The following KANSL1 variants were observed in gnomAD, a reference collection of about 807,000 sequenced individuals.
KANSL1 encodes the protein KAT8 regulatory NSL complex subunit 1.
In KANSL1, 22 loss-of-function variants were observed where a neutral mutation model predicts 103.6. That is an observed-to-expected ratio of 0.21 (90% CI 0.15 to 0.30). KANSL1 has a LOEUF of 0.30. KANSL1 is among the 10% of genes least tolerant of loss of function. The pLI is 1.00. For synonymous variants in KANSL1, 600 were observed against 527.6 expected (o/e 1.14, Z -1.88); for missense variants, 1,337 against 1,399.8 (o/e 0.96, Z 0.72).
intron 2 of KANSL1, among the ~76,000 whole-genome samples, chr17:46,164,302 T>C (rs1296623151): frequency 6.6e-6 from 1 of 152,274 alleles, no homozygotes; most frequent in Non-Finnish European, 1.5e-5. Flanking sequence ...AGTTCCTTTC[T>C]TCAGAATCCC....
chr17:46,046,161 C>T (rs1450375478), intron 7 of KANSL1: 1 of 152,184 alleles, frequency 6.6e-6, no homozygotes, highest in African/African-American at 2.4e-5. Flanking sequence ...GGCATTCAAA[C>T]CCATTAGCCA....
chr17:46,193,706 G>T (rs778819052), upstream of KANSL1: 1 of 271,284 alleles, frequency 3.7e-6, no homozygotes, highest in South Asian at 2.6e-5. Context: ...GCAGCACTGC[G>T]GCAGGGGGAA....
chr17:46,090,996 T>C (rs1275171791), intron 3 of KANSL1, among the ~76,000 whole-genome samples: 1 of 152,240 alleles, frequency 6.6e-6, no homozygotes, highest in Non-Finnish European at 1.5e-5. Flanking sequence ...AGAGAGTACT[T>C]CTACTCATTA....
At chr17:46,196,142 CTGAGGGGATTGCT>C, upstream of KANSL1, 1 of 359,430 alleles carries the variant, frequency 2.8e-6, no homozygotes. Flanking sequence ...ACTCCAGAAG[CTGAGGGGATTGCT>C]TGAGCCTGGG....
chr17:46,096,730 T>C (rs1378050663), intron 2 of KANSL1, among the ~76,000 whole-genome samples: 1 of 151,698 alleles, frequency 6.6e-6, no homozygotes, highest in East Asian at 1.9e-4. Context: ...GCCATTCTCC[T>C]GCCTCAGCCT....
chr17:46,192,309 T>C (rs1255039462), intron 1 of KANSL1: 4 of 139,188 alleles, frequency 2.9e-5, no homozygotes, highest in Non-Finnish European at 4.9e-5. Context: ...CCTCTTTAGT[T>C]TAAAAAAAAA....
intron 4 of KANSL1, among the ~76,000 whole-genome samples, chr17:46,079,477 C>T (rs545047831): frequency 9.9e-5 from 15 of 152,266 alleles, no homozygotes; most frequent in East Asian, 1.9e-4. Context: ...TATTTTAGAA[C>T]GCTGACAAGT....
intron 7 of KANSL1, chr17:46,041,887 T>C (rs2077332081): frequency 7.2e-6 from 1 of 138,750 alleles, no homozygotes; most frequent in Non-Finnish European, 1.6e-5. Flanking sequence ...TTTGTGTGTG[T>C]GTGTGTGTGT....
intron 2 of KANSL1, among the ~76,000 whole-genome samples, chr17:46,155,573 G>A (rs1383352873): frequency 1.3e-5 from 2 of 152,222 alleles, no homozygotes; most frequent in Admixed American, 6.5e-5. Flanking sequence ...TTAGGGGGTA[G>A]AGGCCAGAGA....
At chr17:46,173,867 G>A (rs1036753611) in intron 1 of KANSL1, among the ~76,000 whole-genome samples, 2 of 152,202 alleles carry the variant, frequency 1.3e-5, no homozygotes, top group Non-Finnish European at 2.9e-5. Flanking sequence ...GGGAAAGTAT[G>A]CATAAAGCAC....
rs1265854957 is a variant in KANSL1 at position 46,171,604 on chromosome 17, T to C, written c.540A>G (p.Lys180=). 6.3e-7 allele frequency: 1 copy of C among 1,582,182 alleles called. No individual in the cohort carries two copies. The highest frequency in any genetic ancestry group is 1.9e-5 in the Admixed American group (1 of 52,490). The change falls in exon 2 of 15, where the codon AAA becomes AAG. Residue 180 remains lysine, a synonymous_variant. Coordinates refer to ENST00000432791, the MANE Select transcript of KANSL1 (RefSeq NM_015443.4). The part of the protein sequence containing the change: ...HDNSTSLNGG[K]RALTSSALHG... Reference sequence around the variant, plus strand: ...GAAGAGCAGATGAAGTGAGAGCCCGTTTTCCCCCATTGAGGGAAGTGGAAT... The same window carrying C: ...GAAGAGCAGATGAAGTGAGAGCCCGCTTTCCCCCATTGAGGGAAGTGGAAT...
chr17:46,095,539 G>T (rs1336394526), intron 2 of KANSL1, among the ~76,000 whole-genome samples: 1 of 152,152 alleles, frequency 6.6e-6, no homozygotes, highest in Non-Finnish European at 1.5e-5. Flanking sequence ...TACTAAACTG[G>T]CCAGTTCTTT....
chr17:46,187,054 G>C (rs12951211), intron 1 of KANSL1, among the ~76,000 whole-genome samples: 16,304 of 151,836 alleles, frequency 0.11, 1,235 homozygotes, highest in Non-Finnish European at 0.16. Context: ...TCTATGAAGT[G>C]TCTCTCCTAT....
At chr17:46,203,439 C>T (rs1409566787) in intron 1 of KANSL1, among the ~76,000 whole-genome samples, 1 of 152,130 alleles carries the variant, frequency 6.6e-6, no homozygotes, top group African/African-American at 2.4e-5. Flanking sequence ...TAAAATAAGA[C>T]CCTATAAAAG....
chr17:46,152,706 A>AT (rs1344971516), intron 2 of KANSL1, among the ~76,000 whole-genome samples: 1 of 152,256 alleles, frequency 6.6e-6, no homozygotes, highest in African/African-American at 2.4e-5. Flanking sequence ...AACATTGAGT[A>AT]ATAAGCGAAT....
intron 2 of KANSL1, among the ~76,000 whole-genome samples, chr17:46,105,244 T>C (rs1319378556): frequency 6.6e-6 from 1 of 152,266 alleles, no homozygotes; most frequent in Non-Finnish European, 1.5e-5. Context: ...TAATTTTCTG[T>C]CTACTTTTCT....
chr17:46,158,792 TG>T (rs1396185895), intron 2 of KANSL1, among the ~76,000 whole-genome samples: 2 of 152,140 alleles, frequency 1.3e-5, no homozygotes, highest in African/African-American at 4.8e-5. Context: ...CTGCCTGCCT[TG>T]GCCTCACAAA....
At chr17:46,054,401 C>A (rs10853082) in intron 6 of KANSL1, among the ~76,000 whole-genome samples, 3,030 of 150,512 alleles carry the variant, frequency 0.02, 105 homozygotes, top group African/African-American at 0.071. Flanking sequence ...CATACCACCT[C>A]AACTACACTC....
chr17:46,149,248 G>A (rs1395429499), intron 2 of KANSL1, among the ~76,000 whole-genome samples: 1 of 151,974 alleles, frequency 6.6e-6, no homozygotes, highest in Non-Finnish European at 1.5e-5. Flanking sequence ...TGATCCGCCC[G>A]TCTCGGCCTC....
Sources: allele counts gnomAD v4.1 joint callset (sites outside exome capture counted in the v4.1 genomes callset), GRCh38; gene constraint gnomAD v4.1.1; transcripts MANE v1.5; gene names NCBI Gene and HGNC (gene_info 2026-07-23, HGNC 2026-07-21).